HTR2C: variants seen among roughly 807,000 people sequenced by gnomAD.
HTR2C encodes 5-hydroxytryptamine receptor 2C, also known as 5-hydroxytryptamine (serotonin) receptor 2C, G protein-coupled.
In HTR2C, 5 loss-of-function variants were observed where a neutral mutation model predicts 21.0. That is an observed-to-expected ratio of 0.24 (90% confidence interval 0.12 to 0.50). The LOEUF (loss-of-function observed/expected upper bound fraction) is 0.50. Among genes scored for constraint, HTR2C ranks in the 20% least tolerant of loss-of-function variants. The pLI, the probability that HTR2C is intolerant of heterozygous loss-of-function variation, is 0.98. For synonymous variants in HTR2C, 150 were observed against 145.3 expected (o/e 1.03, Z -0.23); for missense variants, 271 against 371.2 (o/e 0.73, Z 2.22).
chrX:114,815,028 G>A (rs1374076546), intron 4 of HTR2C, among the ~76,000 whole-genome samples: 23 of 102,886 alleles, frequency 2.2e-4, no homozygotes, highest in African/African-American at 3.1e-4. Flanking sequence ...ATAGTATATT[G>A]TATATCATAT....
chrX:114,824,233 G>A (rs1237548331), intron 4 of HTR2C, among the ~76,000 whole-genome samples: 1 of 111,329 alleles, frequency 9.0e-6, no homozygotes, highest in African/African-American at 3.3e-5. Context: ...ATCATATCCA[G>A]GGAATTCTGT....
chrX:114,774,333 A>T (rs1437889268), intron 4 of HTR2C, among the ~76,000 whole-genome samples: 1 of 111,708 alleles, frequency 9.0e-6, no homozygotes, highest in African/African-American at 3.3e-5. Flanking sequence ...ACAATGGTGC[A>T]ATTTAAATTA....
chrX:114,676,061 G>A (rs1160962308), intron 2 of HTR2C, among the ~76,000 whole-genome samples: 1 of 110,035 alleles, frequency 9.1e-6, no homozygotes, highest in African/African-American at 3.3e-5. Flanking sequence ...GTAGAGACGA[G>A]GTTTTACCAT....
At chrX:114,607,227 G>A (rs1318720664) in intron 1 of HTR2C, among the ~76,000 whole-genome samples, 1 of 112,066 alleles carries the variant, frequency 8.9e-6, no homozygotes, top group Non-Finnish European at 1.9e-5. Context: ...CTTGGCTTGG[G>A]CTCAGAGGCC....
rs188668993 is a variant in HTR2C, at chrX:114,727,389, G to A, written c.35+418G>A. 6.5e-3 allele frequency among the ~76,000 whole-genome samples: 731 copies of A among 111,734 alleles called. 3 individuals carry two copies. The highest frequency in any genetic ancestry group is 0.015 in the South Asian group (40 of 2,653). On this transcript the variant is annotated intron_variant, in intron 3 of 5. Coordinates refer to ENST00000276198, the MANE Select transcript of HTR2C (RefSeq NM_000868.4). ...GAAAAGAAAAGGTTGGAAGTTAGGG[G>A]ATAGGGCTTGGCGATGTAGCTGGAT... is the stretch of plus-strand genomic sequence containing the variant.
chrX:114,761,889 G>A (rs1556432470), intron 4 of HTR2C, among the ~76,000 whole-genome samples: 1 of 105,071 alleles, frequency 9.5e-6, no homozygotes, highest in Non-Finnish European at 2.0e-5. Flanking sequence ...ATATATATAT[G>A]TGTATATATA....
At chrX:114,752,667 G>A (rs782721925) in intron 4 of HTR2C, among the ~76,000 whole-genome samples, 182 of 110,686 alleles carry the variant, frequency 1.6e-3, no homozygotes, top group African/African-American at 2.9e-3. Flanking sequence ...CATTTAGTTA[G>A]CTACCACTGA....
Position 114,767,178 on chromosome X carries a change from G to GT in HTR2C, c.349+35577dup, listed in dbSNP as rs1284311018. 9.9e-5 allele frequency among the ~76,000 whole-genome samples: 11 copies of GT among 111,139 alleles called. No homozygotes were observed. In the East Asian group the frequency reaches 2.8e-3, roughly 29 times the overall value. On this transcript the variant is annotated intron_variant, in intron 4 of 5. Transcript: ENST00000276198. Reference sequence around the variant, plus strand: ...AAGCCACTGAAGATTTTATATTGCTGTTTTTTATGTAATTGATAAGATCAT... The same window carrying GT: ...AAGCCACTGAAGATTTTATATTGCTGTTTTTTTATGTAATTGATAAGATCAT...
At chrX:114,749,714 C>CA (rs1358271764) in intron 4 of HTR2C, among the ~76,000 whole-genome samples, 1 of 109,012 alleles carries the variant, frequency 9.2e-6, no homozygotes, top group Non-Finnish European at 1.9e-5. Flanking sequence ...ACAAAAACAA[C>CA]AAAAAAACAA....
In HTR2C at chrX:114,842,452, T is replaced by C. The variant is rs782394307; in HGVS notation, c.350-5551T>C. On this transcript the variant is annotated intron_variant, in intron 4 of 5. Transcript: ENST00000276198. Reference sequence around the variant, plus strand: ...GGCACAAGCATTGTTTGCAACAGACTAGGACAAGTAACACTAGACCACACA... The same window carrying C: ...GGCACAAGCATTGTTTGCAACAGACCAGGACAAGTAACACTAGACCACACA... 4.5e-5 allele frequency among the ~76,000 whole-genome samples: 5 copies of C among 112,135 alleles called. No individual in the cohort carries two copies. In the South Asian group the frequency reaches 1.8e-3, roughly 41 times the overall value.
At chrX:114,744,107 T>C (rs2069677961) in intron 4 of HTR2C, among the ~76,000 whole-genome samples, 1 of 110,580 alleles carries the variant, frequency 9.0e-6, no homozygotes, top group Non-Finnish European at 1.9e-5. Flanking sequence ...ATCTAGATAG[T>C]AGTGATAATT....
chrX:114,806,863 A>C (rs1313501323), intron 4 of HTR2C, among the ~76,000 whole-genome samples: 1 of 102,026 alleles, frequency 9.8e-6, no homozygotes, highest in Non-Finnish European at 2.0e-5. Context: ...TATACCGTAT[A>C]TATACCATGT....
intron 4 of HTR2C, among the ~76,000 whole-genome samples, chrX:114,795,376 C>G (rs1361890743): frequency 9.1e-6 from 1 of 110,478 alleles, no homozygotes; most frequent in Non-Finnish European, 1.9e-5. Flanking sequence ...TAATTAGATC[C>G]CATTTGTCAA....
intron 2 of HTR2C, among the ~76,000 whole-genome samples, chrX:114,704,481 C>T (rs1556417566): frequency 9.0e-6 from 1 of 111,712 alleles, no homozygotes; most frequent in African/African-American, 3.3e-5. Context: ...TCAATAGATG[C>T]AGAAAAGGCC....
chrX:114,704,589 A>G (rs1385505592), intron 2 of HTR2C, among the ~76,000 whole-genome samples: 3 of 111,655 alleles, frequency 2.7e-5, no homozygotes, highest in African/African-American at 9.8e-5. Flanking sequence ...TGACAAACCC[A>G]CAGCCAATAT....
chrX:114,848,820 A>T (rs2070893457), intron 5 of HTR2C, among the ~76,000 whole-genome samples: 1 of 111,755 alleles, frequency 8.9e-6, no homozygotes, highest in African/African-American at 3.2e-5. Flanking sequence ...AGGGAAAGAA[A>T]TGATCATTTA....
intron 2 of HTR2C, among the ~76,000 whole-genome samples, chrX:114,696,054 C>T (rs1257893826): frequency 9.0e-6 from 1 of 111,701 alleles, no homozygotes; most frequent in Non-Finnish European, 1.9e-5. Context: ...GTTCAAGTAG[C>T]ATGCTTTCAA....
chrX:114,662,915 T>C (rs186663821), intron 2 of HTR2C, among the ~76,000 whole-genome samples: 234 of 112,003 alleles, frequency 2.1e-3, no homozygotes, highest in African/African-American at 7.0e-3. Flanking sequence ...CTAATGTAAA[T>C]GTCCCAAGTT....
intron 1 of HTR2C, among the ~76,000 whole-genome samples, chrX:114,584,874 G>A (rs1927323440): frequency 9.2e-6 from 1 of 108,114 alleles, no homozygotes; most frequent in Middle Eastern, 4.6e-3. Context: ...AAGGAGCATA[G>A]AAGTCTCTAA....
Sources: allele counts gnomAD v4.1 joint callset (sites outside exome capture counted in the v4.1 genomes callset), GRCh38; gene constraint gnomAD v4.1.1; transcripts MANE v1.5; gene names NCBI Gene and HGNC (gene_info 2026-07-23, HGNC 2026-07-21).